The following FAM167A variants were observed in gnomAD, a reference collection of about 807,000 sequenced individuals.
FAM167A encodes family with sequence similarity 167 member A.
A neutral mutation model predicts 14.9 loss-of-function variants in FAM167A; 23 were observed. The observed-to-expected ratio is 1.55, with a 90% confidence interval of 1.11 to 2.19. FAM167A has a LOEUF of 2.19. Ranked by LOEUF, FAM167A falls within the 30% of genes most tolerant of loss-of-function variation. The probability of loss-of-function intolerance (pLI) is 0.00; values close to 1 mark genes in which losing one functional copy is unlikely to be tolerated. For synonymous variants in FAM167A, 174 were observed against 117.7 expected (o/e 1.48, Z -3.10); for missense variants, 401 against 281.5 (o/e 1.42, Z -3.04).
At chr8:11,463,433 T>C (rs1333632063) in intron 1 of FAM167A, among the ~76,000 whole-genome samples, 1 of 152,198 alleles carries the variant, frequency 6.6e-6, no homozygotes, top group Non-Finnish European at 1.5e-5. Context: ...GCCACCACCC[T>C]AAGCATGAGC....
chr8:11,433,339 A>G (rs775791677), intron 2 of FAM167A, among the ~76,000 whole-genome samples: 17 of 152,344 alleles, frequency 1.1e-4, no homozygotes, highest in African/African-American at 2.9e-4. Flanking sequence ...ACGGACCACC[A>G]GACAAATCCT....
chr8:11,451,015 T>G (rs1253664911), intron 1 of FAM167A, among the ~76,000 whole-genome samples: 1 of 152,136 alleles, frequency 6.6e-6, no homozygotes, highest in Non-Finnish European at 1.5e-5. Context: ...CTCCTTGGAG[T>G]CCAGTGCAGG....
chr8:11,454,687 G>A (rs746699688), intron 1 of FAM167A, among the ~76,000 whole-genome samples: 12 of 152,230 alleles, frequency 7.9e-5, no homozygotes, highest in African/African-American at 2.4e-4. Context: ...GTGAGTAAGA[G>A]GTTAGGAGGT....
chr8:11,431,687 A>G (rs1289070201), intron 2 of FAM167A, among the ~76,000 whole-genome samples: 1 of 152,036 alleles, frequency 6.6e-6, no homozygotes, highest in Non-Finnish European at 1.5e-5. Flanking sequence ...ATGGCCGGTC[A>G]GCCTGCCTGC....
intron 2 of FAM167A, among the ~76,000 whole-genome samples, chr8:11,431,017 T>C (rs1585234365): frequency 6.6e-6 from 1 of 151,902 alleles, no homozygotes; most frequent in Non-Finnish European, 1.5e-5. Flanking sequence ...TCCCGGAAAG[T>C]TAAACAGAAT....
intron 2 of FAM167A, among the ~76,000 whole-genome samples, chr8:11,439,139 G>A (rs1269352343): frequency 1.3e-5 from 2 of 152,184 alleles, no homozygotes; most frequent in South Asian, 2.1e-4. Context: ...ATATGACCTT[G>A]GCCAAGTCGC....
upstream of FAM167A, chr8:11,467,695 G>C (rs1434674551): frequency 6.6e-6 from 1 of 152,356 alleles, no homozygotes; most frequent in East Asian, 1.9e-4. Flanking sequence ...GCAGGTGCGC[G>C]GCTGGTCGGG....
In FAM167A at chr8:11,423,572, A is replaced by T. The variant is rs1262872408; in HGVS notation, c.*801T>A. The stretch of plus-strand genomic sequence containing the variant: ...TTCAGTTATGGAAAATGCTTTCAGG[A>T]CCTGCCTGGTTCAGTCACCAGTGGT... On this transcript the variant is annotated 3_prime_UTR_variant, in exon 3 of 3. Transcript: ENST00000284486. 1 of 152,230 alleles carries T rather than the reference A, an allele frequency of 6.6e-6. No individual in the cohort carries two copies. Among genetic ancestry groups the T allele is most frequent in the Non-Finnish European group, 1.5e-5 (1 of 68,086 alleles). The allele number at this position is 152,230 out of a possible 1,614,324, so 9.4% of individuals were successfully genotyped here. A position where few individuals can be genotyped will look rare whatever the true frequency, so the allele number is the denominator to read the frequency against.
rs1804892458 is a variant in FAM167A, at chr8:11,423,331, C to T, written c.*1042G>A. The T allele has an allele frequency of 6.6e-6, 1 of 152,608 alleles. No individual in the cohort carries two copies. The highest frequency in any genetic ancestry group is 1.5e-5 in the Non-Finnish European group (1 of 68,038). The allele number at this position is 152,608 out of a possible 1,614,324, so 9.5% of individuals were successfully genotyped here. On this transcript the variant is annotated 3_prime_UTR_variant, in exon 3 of 3. Transcript: ENST00000284486. Reference sequence around the variant, plus strand: ...TCCTACGCACTGTAGTTGACCTACACAAGTGGCTTCCGCATTTGGACAAAA... The same window carrying T: ...TCCTACGCACTGTAGTTGACCTACATAAGTGGCTTCCGCATTTGGACAAAA...
chr8:11,443,055 G>A (rs1806532498), intron 2 of FAM167A, among the ~76,000 whole-genome samples: 1 of 152,244 alleles, frequency 6.6e-6, no homozygotes, highest in Non-Finnish European at 1.5e-5. Flanking sequence ...GGCTCTGGAA[G>A]GCAGCTGCCC....
chr8:11,441,720 C>A (rs1199089585), intron 2 of FAM167A, among the ~76,000 whole-genome samples: 1 of 152,198 alleles, frequency 6.6e-6, no homozygotes, highest in Non-Finnish European at 1.5e-5. Flanking sequence ...CTCAATTTAT[C>A]CATCCATGAA....
At chr8:11,445,590 G>A (rs1375487857) in intron 1 of FAM167A, 1 of 985,414 alleles carries the variant, frequency 1.0e-6, no homozygotes, top group African/African-American at 1.7e-5. Context: ...AAAGACTTCA[G>A]CTATGGGATC....
chr8:11,426,219 C>A (rs557331644), intron 2 of FAM167A, among the ~76,000 whole-genome samples: 1 of 152,294 alleles, frequency 6.6e-6, no homozygotes, highest in East Asian at 1.9e-4. Context: ...ACCCTCCAAG[C>A]CCCTTCAAGA....
chr8:11,439,329 A>G (rs2117062268), intron 2 of FAM167A, among the ~76,000 whole-genome samples: 1 of 152,378 alleles, frequency 6.6e-6, no homozygotes, highest in East Asian at 1.9e-4. Flanking sequence ...ACTGGTGAGT[A>G]TGACCTGCCA....
chr8:11,442,262 A>G (rs1215488014), intron 2 of FAM167A, among the ~76,000 whole-genome samples: 1 of 152,104 alleles, frequency 6.6e-6, no homozygotes, highest in African/African-American at 2.4e-5. Context: ...TGTAGACTCG[A>G]GGCCCAGGCT....
At chr8:11,433,742 G>C (rs909559715) in intron 2 of FAM167A, among the ~76,000 whole-genome samples, 1 of 152,182 alleles carries the variant, frequency 6.6e-6, no homozygotes. Context: ...GCTACAATTA[G>C]TCTCTGATGC....
At chr8:11,442,162 C>G (rs528334910) in intron 2 of FAM167A, among the ~76,000 whole-genome samples, 1 of 152,222 alleles carries the variant, frequency 6.6e-6, no homozygotes, top group African/African-American at 2.4e-5. Context: ...GTGCCTCACC[C>G]TGGGCCACCT....
At chr8:11,427,683 T>A (rs1805276100) in intron 2 of FAM167A, among the ~76,000 whole-genome samples, 1 of 152,224 alleles carries the variant, frequency 6.6e-6, no homozygotes, top group African/African-American at 2.4e-5. Flanking sequence ...TTTATGCACT[T>A]GTACAGATCT....
chr8:11,456,547 TGA>T (rs1192392466), intron 1 of FAM167A, among the ~76,000 whole-genome samples: 2 of 149,754 alleles, frequency 1.3e-5, no homozygotes, highest in Non-Finnish European at 3.0e-5. Context: ...TGTGTGAGTG[TGA>T]GTGTGGGGGG....
Sources: gnomAD v4.1 joint callset for allele counts (sites outside exome capture counted in the v4.1 genomes callset) on GRCh38, gnomAD v4.1.1 for gene constraint, MANE v1.5 for transcripts, NCBI Gene and HGNC (gene_info 2026-07-23, HGNC 2026-07-21) for gene names.